Variants in EVC observed in about 807,000 individuals in gnomAD.
The protein encoded by EVC is EvC ciliary complex subunit 1.
Under a neutral mutation model 118.9 loss-of-function variants are expected in EVC, and 116 were observed. That is an observed-to-expected ratio of 0.98 (90% CI 0.84 to 1.14). EVC has a LOEUF of 1.14. EVC is among the 50% of genes most tolerant of loss of function. EVC has a pLI of 0.00. For synonymous variants in EVC, 619 were observed against 534.7 expected, an observed-to-expected ratio of 1.16 and a Z score of -2.18; for missense variants, 1,401 against 1,246.4, an observed-to-expected ratio of 1.12 and a Z score of -1.87.
At chr4:5,803,597 C>G (rs1389017347) in intron 16 of EVC, among the ~76,000 whole-genome samples, 1 of 152,204 alleles carries the variant, frequency 6.6e-6, no homozygotes, top group Non-Finnish European at 1.5e-5. Context: ...CTTCCTGATA[C>G]CCCAGCTCTC....
At chr4:5,724,429 C>T (rs557968491) in intron 2 of EVC, among the ~76,000 whole-genome samples, 10 of 152,320 alleles carry the variant, frequency 6.6e-5, no homozygotes, top group African/African-American at 1.9e-4. Context: ...CCACGAACCC[C>T]CACTTCCCTT....
chr4:5,806,744 T>C (rs1473056346), intron 17 of EVC, among the ~76,000 whole-genome samples: 2 of 152,246 alleles, frequency 1.3e-5, no homozygotes, highest in African/African-American at 2.4e-5. Flanking sequence ...ATTCTATTTT[T>C]AGTTCTTTGA....
Position 5,719,422 on chromosome 4 carries a change from G to A in EVC, c.300+49G>A, listed in dbSNP as rs1401822262. On this transcript the variant is annotated intron_variant, in intron 2 of 20. Coordinates refer to ENST00000264956, the MANE Select transcript of EVC (RefSeq NM_153717.3). This position sits in a 1 kb window ranked among gnomAD's most constrained non-coding sequence, Gnocchi z 4.7. ...TTGTGGAGGCACATGTGGGAGGTGG[G>A]GTATTCCCCCTGGAAGCCGGGTGTC... is the stretch of plus-strand genomic sequence containing the variant. 2 of 1,613,164 alleles carry A rather than the reference G, an allele frequency of 1.2e-6. No homozygotes were observed. Among genetic ancestry groups the A allele is most frequent in the Non-Finnish European group, 1.7e-6 (2 of 1,179,778 alleles).
chr4:5,756,193 G>A lies in EVC; in HGVS notation c.1465-71G>A, dbSNP rs372352909. 11 of 1,229,646 alleles carry A rather than the reference G, an allele frequency of 8.9e-6. No individual in the cohort carries two copies. In the East Asian group the frequency reaches 2.5e-4, roughly 28 times the overall value. 76.2% of individuals were successfully genotyped at this position (1,229,646 alleles called of 1,614,324 possible). On this transcript the variant is annotated intron_variant, in intron 10 of 20. Transcript: ENST00000264956. The surrounding 1 kb of genome is among the most constrained non-coding windows in gnomAD (Gnocchi z 4.2). Reference sequence around the variant, plus strand: ...TAACCTGAGATGCAGGGGATGGTTGGAGAACCTTCTGGAAAAAAAAAAAAA... The same window carrying A: ...TAACCTGAGATGCAGGGGATGGTTGAAGAACCTTCTGGAAAAAAAAAAAAA...
At chr4:5,764,576 C>A (rs2152138562) in intron 11 of EVC, among the ~76,000 whole-genome samples, 1 of 150,578 alleles carries the variant, frequency 6.6e-6, no homozygotes, top group African/African-American at 2.4e-5. Flanking sequence ...GCCACAACTT[C>A]AGCTCCTGTT....
At chr4:5,778,385 C>G (rs1230365293) in intron 11 of EVC, among the ~76,000 whole-genome samples, 6 of 152,010 alleles carry the variant, frequency 3.9e-5, no homozygotes, top group South Asian at 2.1e-4. Flanking sequence ...AATGGTATTT[C>G]TAGTTCTAGA....
At chr4:5,795,766 G>A (rs1713832924) in intron 13 of EVC, among the ~76,000 whole-genome samples, 2 of 152,210 alleles carry the variant, frequency 1.3e-5, no homozygotes, top group Non-Finnish European at 2.9e-5. Flanking sequence ...TGTCTCGCCT[G>A]AAAACCTGTG....
At chr4:5,761,121 C>T (rs1731942898) in intron 11 of EVC, among the ~76,000 whole-genome samples, 1 of 152,098 alleles carries the variant, frequency 6.6e-6, no homozygotes, top group Non-Finnish European at 1.5e-5. Flanking sequence ...CTGTTCTGAG[C>T]TCTGGTTTCC....
At chr4:5,758,123 T>G in intron 11 of EVC, 1 of 702,238 alleles carries the variant, frequency 1.4e-6, no homozygotes, top group South Asian at 1.5e-5. Context: ...GGAGGCTGTT[T>G]GAAGACAGAA....
At chr4:5,781,765 A>C (rs1233203051) in intron 11 of EVC, among the ~76,000 whole-genome samples, 1 of 152,136 alleles carries the variant, frequency 6.6e-6, no homozygotes, top group African/African-American at 2.4e-5. Context: ...ACCTGAGTCC[A>C]GGAAGTCGAG....
intron 11 of EVC, among the ~76,000 whole-genome samples, chr4:5,765,872 G>C (rs1284779021): frequency 6.7e-6 from 1 of 149,788 alleles, no homozygotes. Context: ...GCCAGTCTGT[G>C]TCTTTTAATT....
chr4:5,816,962 T>A (rs1169341962), downstream of EVC, among the ~76,000 whole-genome samples: 3 of 152,148 alleles, frequency 2.0e-5, no homozygotes, highest in Admixed American at 2.0e-4. Flanking sequence ...CCTGTCCATG[T>A]TCTCCTTTCT....
downstream of EVC, among the ~76,000 whole-genome samples, chr4:5,817,900 A>C (rs993999126): frequency 2.6e-5 from 4 of 152,182 alleles, no homozygotes; most frequent in Admixed American, 2.0e-4. Flanking sequence ...TACGTAGATG[A>C]AGGAAAAGTA....
At position 5,717,996 on chromosome 4, in the gene EVC, G is replaced by A. The variant is rs557791200; in HGVS notation, c.175-1252G>A. On this transcript the variant is annotated intron_variant, in intron 1 of 20. Coordinates refer to ENST00000264956, the MANE Select transcript of EVC (RefSeq NM_153717.3). ...AAGGCCTGACACAAAGCAGATGCTC[G>A]ATAATAGTAGCTGATTAACTCAGTG... Among the ~76,000 whole-genome samples, 8 of 152,334 alleles carry A rather than the reference G, an allele frequency of 5.3e-5. No homozygotes were observed. The South Asian group carries it at 8.3e-4, about 16-fold the overall frequency.
chr4:5,741,120 C>A (rs573821134), intron 5 of EVC, among the ~76,000 whole-genome samples: 5 of 152,220 alleles, frequency 3.3e-5, no homozygotes, highest in Non-Finnish European at 5.9e-5. Flanking sequence ...TGAGGACTTA[C>A]GTTCACACAA....
chr4:5,741,119 AC>A, intron 5 of EVC, among the ~76,000 whole-genome samples: 1 of 152,356 alleles, frequency 6.6e-6, no homozygotes, highest in African/African-American at 2.4e-5. Context: ...ATGAGGACTT[AC>A]GTTCACACAA....
At chr4:5,803,973 C>G (rs940199417) in intron 16 of EVC, among the ~76,000 whole-genome samples, 1 of 150,122 alleles carries the variant, frequency 6.7e-6, no homozygotes, top group Non-Finnish European at 1.5e-5. Flanking sequence ...CTGAGTCTCA[C>G]TCAATCGCCC....
Position 5,737,238 on chromosome 4 carries a change from C to G in EVC, c.702+3803C>G, listed in dbSNP as rs1270715133. On this transcript the variant is annotated intron_variant, in intron 5 of 20. Coordinates refer to ENST00000264956, the MANE Select transcript of EVC (RefSeq NM_153717.3). The surrounding 1 kb of genome is among the most constrained non-coding windows in gnomAD (Gnocchi z 5.0). ...GTGAGTGCTGAGAGAGGTGAGGAAGCTGCAGAAGAAAAATTTGAAGCTAGC... is the reference window on the plus strand; with the variant it reads ...GTGAGTGCTGAGAGAGGTGAGGAAGGTGCAGAAGAAAAATTTGAAGCTAGC... 6.6e-6 allele frequency among the ~76,000 whole-genome samples: 1 copy of G among 152,140 alleles called. No homozygotes were observed. The highest frequency in any genetic ancestry group is 2.4e-5 in the African/African-American group (1 of 41,430).
intron 11 of EVC, among the ~76,000 whole-genome samples, chr4:5,771,896 TTTATTA>T (rs144615603): frequency 1.8e-4 from 27 of 150,646 alleles, no homozygotes; most frequent in South Asian, 1.1e-3. Context: ...TTTATTTTAT[TTTATTA>T]TTATTATTAT....
Sources: allele counts gnomAD v4.1 joint callset (sites outside exome capture counted in the v4.1 genomes callset), GRCh38; gene constraint gnomAD v4.1.1; non-coding constraint Gnocchi (gnomAD v3.1); transcripts MANE v1.5; gene names NCBI Gene and HGNC (gene_info 2026-07-23, HGNC 2026-07-21).